The following C5orf63 variants were observed in gnomAD, a reference collection of about 807,000 sequenced individuals.
C5orf63 encodes the protein chromosome 5 open reading frame 63, also known as glutaredoxin-like protein C5orf63.
Under a neutral mutation model 13.3 loss-of-function variants are expected in C5orf63, and 18 were observed. That is an observed-to-expected ratio of 1.36 (90% confidence interval 0.94 to 2.01). C5orf63 has a LOEUF of 2.01. Ranked by LOEUF, C5orf63 falls within the 30% of genes most tolerant of loss-of-function variation. The pLI is 0.00. For synonymous variants in C5orf63, 38 were observed against 44.7 expected, an observed-to-expected ratio of 0.85 and a Z score of 0.60; for missense variants, 118 against 127.7, an observed-to-expected ratio of 0.92 and a Z score of 0.36.
chr5:127,068,799 AAG>A (rs1328284680), intron 2 of C5orf63, among the ~76,000 whole-genome samples: 3 of 152,210 alleles, frequency 2.0e-5, no homozygotes, highest in Non-Finnish European at 4.4e-5. Flanking sequence ...AATGTCAGGG[AAG>A]AGTTTCCAAA....
At chr5:127,072,345 C>T (rs1482106613) in intron 1 of C5orf63, among the ~76,000 whole-genome samples, 1 of 152,138 alleles carries the variant, frequency 6.6e-6, no homozygotes, top group African/African-American at 2.4e-5. Flanking sequence ...TTTCTAATTA[C>T]CTATAATGCA....
intron 2 of C5orf63, among the ~76,000 whole-genome samples, chr5:127,063,101 T>C (rs1754170002): frequency 6.6e-6 from 1 of 152,122 alleles, no homozygotes; most frequent in Admixed American, 6.5e-5. Context: ...TCCTGCCGTT[T>C]CAAGTCCAGT....
rs964821739 is a variant in C5orf63, at chr5:127,051,318, T to C, written c.*453A>G. ...TCATGCAGATGTATTCCTTAAAACA[T>C]CGCTTTATTGACCGTGCACAGTTAT... On this transcript the variant is annotated 3_prime_UTR_variant, in exon 5 of 5. Transcript: ENST00000296662. 1.6e-6 allele frequency: 2 copies of C among 1,230,394 alleles called. No individual in the cohort carries two copies. The highest frequency in any genetic ancestry group is 1.6e-5 in the African/African-American group (1 of 64,506). 76.2% of individuals were successfully genotyped at this position (1,230,394 alleles called of 1,614,324 possible).
At chr5:127,054,070 C>CA (rs1007427004) in intron 3 of C5orf63, among the ~76,000 whole-genome samples, 2 of 151,742 alleles carry the variant, frequency 1.3e-5, no homozygotes, top group East Asian at 1.9e-4. Context: ...ATCTTAAAAG[C>CA]AAAAAAACCC....
chr5:127,071,835 T>C (rs534120198), intron 1 of C5orf63, 150 bp from the exon 2 acceptor site: 1 of 152,276 alleles, frequency 6.6e-6, no homozygotes, highest in East Asian at 1.9e-4. Flanking sequence ...CTAGAGTATA[T>C]ACAAGTTATG....
chr5:127,073,236 T>A (rs186474716), intron 1 of C5orf63: 1 of 152,212 alleles, frequency 6.6e-6, no homozygotes, highest in East Asian at 1.9e-4. Flanking sequence ...CGTCATTTAT[T>A]TACTTCCCAG....
downstream of C5orf63, chr5:127,047,616 C>A (rs1753545861): frequency 1.5e-6 from 1 of 666,614 alleles, no homozygotes; most frequent in African/African-American, 1.8e-5. Context: ...GGGATACCTT[C>A]AGAAAGCATC....
intron 3 of C5orf63, among the ~76,000 whole-genome samples, chr5:127,054,480 T>C (rs1753801624): frequency 6.6e-6 from 1 of 152,232 alleles, no homozygotes; most frequent in Admixed American, 6.5e-5. Context: ...ATTTCTCTGA[T>C]GGCCAGTGAT....
At chr5:127,062,776 G>A (rs1027553887) in intron 2 of C5orf63, among the ~76,000 whole-genome samples, 1 of 152,016 alleles carries the variant, frequency 6.6e-6, no homozygotes, top group Non-Finnish European at 1.5e-5. Context: ...CAGTATCTCA[G>A]CACTATAAAA....
chr5:127,059,578 A>G (rs1020666346), intron 2 of C5orf63, among the ~76,000 whole-genome samples: 5 of 151,912 alleles, frequency 3.3e-5, no homozygotes, highest in African/African-American at 1.2e-4. Flanking sequence ...AATACAAAAA[A>G]TTAGCTGGGT....
At chr5:127,063,040 T>A (rs909353787) in intron 2 of C5orf63, among the ~76,000 whole-genome samples, 5 of 151,098 alleles carry the variant, frequency 3.3e-5, no homozygotes, top group Non-Finnish European at 2.9e-5. Context: ...TAAGATTGGA[T>A]TTAGAATGTG....
chr5:127,055,117 C>T (rs1384327531), intron 3 of C5orf63, among the ~76,000 whole-genome samples: 1 of 152,094 alleles, frequency 6.6e-6, no homozygotes, highest in Non-Finnish European at 1.5e-5. Context: ...GGTACCAGTA[C>T]CATGCTGTTT....
At chr5:127,058,424 T>C (rs941044932) in intron 3 of C5orf63, among the ~76,000 whole-genome samples, 1 of 152,218 alleles carries the variant, frequency 6.6e-6, no homozygotes, top group East Asian at 1.9e-4. Flanking sequence ...AAATAAAGTA[T>C]CTTTAAATAG....
At chr5:127,043,528 G>A (rs1439965201), downstream of C5orf63, 3 of 152,164 alleles carry the variant, frequency 2.0e-5, no homozygotes, top group Admixed American at 2.0e-4. Flanking sequence ...CTAAAAGTCA[G>A]CAATCACAAT....
intron 3 of C5orf63, among the ~76,000 whole-genome samples, chr5:127,058,047 T>C (rs547827364): frequency 6.6e-6 from 1 of 152,018 alleles, no homozygotes; most frequent in South Asian, 2.1e-4. Context: ...TTAAAAAAAT[T>C]TTTTTTTCAA....
downstream of C5orf63, among the ~76,000 whole-genome samples, chr5:127,050,232 G>T (rs72782315): frequency 6.6e-6 from 1 of 152,268 alleles, no homozygotes; most frequent in South Asian, 2.1e-4. Context: ...GATCACTGGG[G>T]TTATCCTAGA....
intron 2 of C5orf63, among the ~76,000 whole-genome samples, chr5:127,069,401 A>G (rs1754449910): frequency 6.6e-6 from 1 of 152,194 alleles, no homozygotes; most frequent in Non-Finnish European, 1.5e-5. Context: ...TTTCCCTGCT[A>G]TTTAAAAAGC....
At chr5:127,057,445 A>T (rs1322715256) in intron 3 of C5orf63, among the ~76,000 whole-genome samples, 1 of 152,242 alleles carries the variant, frequency 6.6e-6, no homozygotes, top group Non-Finnish European at 1.5e-5. Context: ...AAAAGAAATC[A>T]GTAATGTCTG....
intron 2 of C5orf63, 56 bp from the exon 3 acceptor site, chr5:127,059,058 A>G (rs1050296747): frequency 1.0e-6 from 1 of 994,966 alleles, no homozygotes; most frequent in Non-Finnish European, 1.5e-6. Context: ...TGTTCCTTAC[A>G]ATATGGACAG....
Sources: allele counts gnomAD v4.1 joint callset (sites outside exome capture counted in the v4.1 genomes callset), GRCh38; gene constraint gnomAD v4.1.1; transcripts MANE v1.5; gene names NCBI Gene and HGNC (gene_info 2026-07-23, HGNC 2026-07-21).